Variants in CARD8 observed in about 807,000 individuals in gnomAD.
CARD8 encodes the protein caspase recruitment domain-containing protein 8.
Under a neutral mutation model 53.2 loss-of-function variants are expected in CARD8, and 38 were observed. The ratio of observed to expected loss-of-function variants is 0.71; its 90% CI spans 0.55 to 0.94. CARD8 has a LOEUF of 0.94. Ranked by LOEUF, CARD8 falls within the 40% of genes least tolerant of loss-of-function variation. The probability of loss-of-function intolerance (pLI) is 0.00; values close to 1 mark genes in which losing one functional copy is unlikely to be tolerated. For missense variants in CARD8, 561 were observed against 655.5 expected, an observed-to-expected ratio of 0.86 and a Z score of 1.57; for synonymous variants, 245 against 244.9, an observed-to-expected ratio of 1.00 and a Z score of 0.00.
In CARD8 at chr19:48,231,828, G is replaced by C. The variant is rs754544179; in HGVS notation, c.392-18C>G. On this transcript the variant is annotated intron_variant, in intron 7 of 13. Coordinates refer to ENST00000651546, the MANE Select transcript of CARD8 (RefSeq NM_001184900.3). ...AATGTCTCCTGAAAAGAAAATACTA[G>C]ACATGTAAGAGGTAAAGGGTTGGAA... The C allele has an allele frequency of 2.5e-6, 4 of 1,612,348 alleles. No homozygotes were observed. The highest frequency in any genetic ancestry group is 3.4e-6 in the Non-Finnish European group (4 of 1,179,024).
intron 10 of CARD8, among the ~76,000 whole-genome samples, chr19:48,223,304 A>G (rs77142920): frequency 7.6e-6 from 1 of 131,894 alleles, no homozygotes; most frequent in Admixed American, 7.3e-5. Flanking sequence ...ACTCTGTCTC[A>G]AAAAAAAAAA....
chr19:48,245,258 G>A (rs1177678643), intron 3 of CARD8, among the ~76,000 whole-genome samples: 3 of 152,200 alleles, frequency 2.0e-5, no homozygotes. Context: ...CGCTCAGGCT[G>A]TAGAGAAGTG....
At position 48,212,123 on chromosome 19, in the gene CARD8, C is replaced by T. The variant is rs529527612; in HGVS notation, c.1349-148G>A. On this transcript the variant is annotated intron_variant, in intron 13 of 13. Coordinates refer to ENST00000651546, the MANE Select transcript of CARD8 (RefSeq NM_001184900.3). ...GTGGACATACAAAATCACACACATT[C>T]ACAGAGCAAATATACCCTTTGCAGT... is the stretch of plus-strand genomic sequence containing the variant. 1.8e-5 allele frequency: 13 copies of T among 713,606 alleles called. No individual in the cohort carries two copies. The South Asian group carries it at 2.4e-4, about 13-fold the overall frequency. 44.2% of individuals were successfully genotyped at this position (713,606 alleles called of 1,614,324 possible).
At chr19:48,204,554 G>C (rs562026143), downstream of CARD8, among the ~76,000 whole-genome samples, 1 of 152,202 alleles carries the variant, frequency 6.6e-6, no homozygotes, top group South Asian at 2.1e-4. Context: ...GGGGTATTAA[G>C]CTCTTTTGCC....
At chr19:48,245,637 AACT>A (rs1430730949) in intron 3 of CARD8, among the ~76,000 whole-genome samples, 1 of 151,478 alleles carries the variant, frequency 6.6e-6, no homozygotes. Flanking sequence ...TATACAAAAA[AACT>A]ACATGACCCA....
rs573785078 is a variant in CARD8, at chr19:48,211,893, G to C, written c.1431C>G (p.Asp477Glu). The change falls in exon 14 of 14, where the codon GAC (aspartate) becomes GAG (glutamate). Residue 477 changes from aspartate (D) to glutamate (E), a missense_variant. Coordinates refer to ENST00000651546, the MANE Select transcript of CARD8 (RefSeq NM_001184900.3). ...TCTCATTCTCAGTAAGAACCTCATT[G>C]TCTTGGAGATCATCGAGCACCCCTT... ...DLKGVLDDLQ[D>E]NEVLTENEKE... is the part of the protein sequence containing the mutation. 6.2e-7 allele frequency: 1 copy of C among 1,613,992 alleles called. No individual in the cohort carries two copies. The highest frequency in any genetic ancestry group is 1.7e-5 in the Admixed American group (1 of 60,000).
At chr19:48,230,270 T>C (rs1339962097) in intron 10 of CARD8, among the ~76,000 whole-genome samples, 168 bp downstream of exon 10, 4 of 152,282 alleles carry the variant, frequency 2.6e-5, no homozygotes, top group African/African-American at 4.8e-5. Context: ...GGGAAGCACA[T>C]AGCTCCAGAG....
At chr19:48,249,089 C>T (rs1301233130) in intron 3 of CARD8, among the ~76,000 whole-genome samples, 2 of 151,506 alleles carry the variant, frequency 1.3e-5, no homozygotes, top group Non-Finnish European at 1.5e-5. Context: ...CCCAGCTACT[C>T]GGGAGGCTGA....
chr19:48,238,566 A>G (rs1261254618), intron 4 of CARD8, 34 bp from the exon 5 acceptor site: 3 of 1,530,958 alleles, frequency 2.0e-6, no homozygotes, highest in East Asian at 2.4e-5. Flanking sequence ...GAATGTGAGC[A>G]TGTCAGAGGA....
chr19:48,204,358 G>C (rs984304144), downstream of CARD8: 2 of 353,574 alleles, frequency 5.7e-6, no homozygotes, highest in Non-Finnish European at 1.1e-5. Flanking sequence ...AAGGGGAGTT[G>C]GGGTGATATT....
chr19:48,230,687 G>A lies in CARD8; in HGVS notation c.786C>T (p.Asp262=), dbSNP rs777257654. ...AATGGGCAACGAGAAACCAGGAGAC[G>A]TCCACCTCACCTGCTGCAGGAGAAC... ...HFISLQAGEV[D]VSWFLVAHFK... Residue 262 remains aspartate, a synonymous_variant, in exon 10 of 14, where the codon GAC becomes GAT. Coordinates refer to ENST00000651546, the MANE Select transcript of CARD8 (RefSeq NM_001184900.3). The A allele has an allele frequency of 3.7e-6, 6 of 1,613,750 alleles. No individual in the cohort carries two copies. The highest frequency in any genetic ancestry group is 3.3e-5 in the South Asian group (3 of 91,080).
intron 13 of CARD8, 53 bp downstream of exon 13, chr19:48,215,287 A>T: frequency 3.0e-6 from 4 of 1,313,372 alleles, no homozygotes; most frequent in Middle Eastern, 1.8e-4. Context: ...TCACTCAAAG[A>T]CCCCTTGATG....
At chr19:48,237,563 G>A (rs574827332) in intron 5 of CARD8, among the ~76,000 whole-genome samples, 1 of 152,004 alleles carries the variant, frequency 6.6e-6, no homozygotes, top group Admixed American at 6.6e-5. Context: ...TTGGGAGGCT[G>A]AGGCAGGAGG....
At chr19:48,222,872 C>A (rs533757322) in intron 10 of CARD8, among the ~76,000 whole-genome samples, 6 of 152,278 alleles carry the variant, frequency 3.9e-5, no homozygotes, top group African/African-American at 1.4e-4. Flanking sequence ...CTGATCGACT[C>A]CCTTGCAGGA....
intron 1 of CARD8, among the ~76,000 whole-genome samples, chr19:48,251,649 T>C (rs989214793): frequency 6.6e-6 from 1 of 152,210 alleles, no homozygotes; most frequent in Admixed American, 6.5e-5. Flanking sequence ...ATGGGACTTA[T>C]TTTATTCATT....
chr19:48,234,609 T>G (rs2043534693), intron 5 of CARD8, 66 bp from the exon 6 acceptor site: 1 of 1,435,136 alleles, frequency 7.0e-7, no homozygotes, highest in Admixed American at 2.3e-5. Flanking sequence ...GCATAGGCTG[T>G]GCAGGAAGAT....
intron 12 of CARD8, among the ~76,000 whole-genome samples, chr19:48,217,741 A>G (rs2039627696): frequency 6.6e-6 from 1 of 152,214 alleles, no homozygotes; most frequent in Non-Finnish European, 1.5e-5. Flanking sequence ...CAAACAGAGC[A>G]TGGCATTTTA....
chr19:48,230,540 G>C lies in CARD8; in HGVS notation c.933C>G (p.Leu311=), dbSNP rs761394425. 6.2e-7 allele frequency: 1 copy of C among 1,614,198 alleles called. No individual in the cohort carries two copies. The highest frequency in any genetic ancestry group is 8.5e-7 in the Non-Finnish European group (1 of 1,180,030). ...ILLRIASGTR[L]SIPITSNTLI... ...ATGTGTTGGAAGTGATGGGGATGGA[G>C]AGGCGAGTCCCACTGGCGATCCGCA... The change falls in exon 10 of 14, where the codon CTC becomes CTG. Residue 311 remains leucine (L), a synonymous_variant. Coordinates refer to ENST00000651546, the MANE Select transcript of CARD8 (RefSeq NM_001184900.3).
intron 5 of CARD8, among the ~76,000 whole-genome samples, chr19:48,235,179 TA>T (rs2043654406): frequency 1.3e-5 from 2 of 151,396 alleles, no homozygotes; most frequent in Admixed American, 1.3e-4. Context: ...AGTCCTATGC[TA>T]GATCCTTTTC....
Sources: allele counts gnomAD v4.1 joint callset (sites outside exome capture counted in the v4.1 genomes callset), GRCh38; gene constraint gnomAD v4.1.1; transcripts MANE v1.5; gene names NCBI Gene and HGNC (gene_info 2026-07-23, HGNC 2026-07-21).